Variants in MYH7B observed in about 807,000 individuals in gnomAD.
MYH7B encodes the protein myosin heavy chain 7B.
MYH7B carries 205 observed loss-of-function variants against 234.5 expected under a neutral mutation model. The ratio of observed to expected loss-of-function variants is 0.87; its 90% CI spans 0.78 to 0.98. The LOEUF (loss-of-function observed/expected upper bound fraction) is 0.98. Ranked by LOEUF, MYH7B falls within the 50% of genes least tolerant of loss-of-function variation. MYH7B has a pLI of 0.00. For missense variants in MYH7B, 2,652 were observed against 2,633.4 expected, an observed-to-expected ratio of 1.01 and a Z score of -0.15; for synonymous variants, 1,193 against 1,105.0, an observed-to-expected ratio of 1.08 and a Z score of -1.58.
intron 2 of MYH7B, among the ~76,000 whole-genome samples, chr20:34,965,613 C>T (rs923049645): frequency 3.9e-5 from 6 of 152,184 alleles, no homozygotes; most frequent in Non-Finnish European, 7.3e-5. Flanking sequence ...CAGACTTACC[C>T]ATAAGTGTAA....
At chr20:34,997,733 G>A in intron 32 of MYH7B, 93 bp downstream of exon 32, 2 of 1,480,486 alleles carry the variant, frequency 1.4e-6, no homozygotes, top group African/African-American at 1.4e-5. Flanking sequence ...CCTCCACCCA[G>A]TACCTTATCC....
chr20:34,958,418 C>G (rs540064682), intron 2 of MYH7B, among the ~76,000 whole-genome samples: 1 of 152,298 alleles, frequency 6.6e-6, no homozygotes, highest in Admixed American at 6.5e-5. Context: ...TTTGGTCATT[C>G]AGATGTTTCA....
At chr20:34,988,956 T>C (rs1278286055) in intron 19 of MYH7B, among the ~76,000 whole-genome samples, 7 of 152,094 alleles carry the variant, frequency 4.6e-5, no homozygotes, top group Non-Finnish European at 1.0e-4. Flanking sequence ...ATTACAGGCA[T>C]GCGCCACCAC....
intron 24 of MYH7B, among the ~76,000 whole-genome samples, chr20:34,992,528 TAATG>T (rs903882759): frequency 1.4e-4 from 21 of 150,914 alleles, no homozygotes; most frequent in Non-Finnish European, 1.5e-4. Context: ...TTTAAAAACT[TAATG>T]AATGCATTTA....
At chr20:34,972,806 A>T (rs543816296) in intron 2 of MYH7B, among the ~76,000 whole-genome samples, 4 of 152,094 alleles carry the variant, frequency 2.6e-5, no homozygotes, top group Non-Finnish European at 4.4e-5. Context: ...CAATTTTTAA[A>T]TTTTTTGTCG....
At chr20:34,980,423 C>A in intron 7 of MYH7B, 155 bp from the exon 8 acceptor site, 1 of 678,026 alleles carries the variant, frequency 1.5e-6, no homozygotes, top group African/African-American at 1.8e-5. Flanking sequence ...GTGGCACGCG[C>A]TTGTAGTCCT....
In MYH7B at chr20:34,986,115, C is replaced by T. The variant is rs769023082; in HGVS notation, c.821C>T (p.Ser274Leu). The change falls in exon 14 of 45, where the codon TCG becomes TTG. Residue 274 changes from serine (S) to leucine (L), a missense_variant. Ser to Leu is a moderately radical substitution (Grantham distance 145). This residue lies in a region of MYH7B where 366 missense variants were observed against 401.2 expected (regional missense o/e 0.91). Coordinates refer to ENST00000262873, the Ensembl canonical transcript of MYH7B. ...TTCTCCCCAGATCTCCTGGAGAAGT[C>T]GCGGGTGATCTTCCAGTTGCCTGGT... 4 of 1,586,748 alleles carry T rather than the reference C, an allele frequency of 2.5e-6. No individual in the cohort carries two copies. Among genetic ancestry groups the T allele is most frequent in the Admixed American group, 3.5e-5 (2 of 56,488 alleles).
Position 34,998,313 on chromosome 20 carries a change from T to TGCC in MYH7B, c.3768_3770dup (p.Arg1257dup), listed in dbSNP as rs2147235728. On this transcript the variant is annotated inframe_insertion, in exon 33 of 45. Coordinates refer to ENST00000262873, the Ensembl canonical transcript of MYH7B. ...ATCCTAGGCCAGTGCAGAGAAGCTG[T>TGCC]GCCGGACCTATGAGGATCAGCTAAG... is the stretch of plus-strand genomic sequence containing the variant. The TGCC allele has an allele frequency of 1.9e-6, 3 of 1,613,966 alleles. No individual in the cohort carries two copies. The South Asian group carries it at 3.3e-5, about 18-fold the overall frequency.
rs2081880293 is a variant in MYH7B, at chr20:34,977,832, A to C, written c.-72-102A>C. 4 of 1,532,806 alleles carry C rather than the reference A, an allele frequency of 2.6e-6. No homozygotes were observed. The South Asian group carries it at 4.6e-5, about 17-fold the overall frequency. 95.0% of individuals were successfully genotyped at this position (1,532,806 alleles called of 1,614,324 possible). On this transcript the variant is annotated intron_variant, in intron 4 of 44. Coordinates refer to ENST00000262873, the Ensembl canonical transcript of MYH7B. ...GTGCATGTATGCTGGGCACTCACCC[A>C]AGGAGGCTGCATTGGGAGCCAGAGG...
At chr20:34,991,708 CT>C (rs1202779056) in intron 24 of MYH7B, among the ~76,000 whole-genome samples, 1 of 152,170 alleles carries the variant, frequency 6.6e-6, no homozygotes, top group East Asian at 1.9e-4. Flanking sequence ...CTGCCAGCTC[CT>C]CCCCGTTCCC....
At chr20:34,986,041 T>G (rs992910783) in intron 13 of MYH7B, 59 bp from the exon 14 acceptor site, 33 of 1,439,202 alleles carry the variant, frequency 2.3e-5, no homozygotes, top group Non-Finnish European at 2.9e-5. Context: ...CATCGCCCCC[T>G]TGGGATGTCC....
intron 32 of MYH7B, 78 bp from the exon 33 acceptor site, chr20:34,998,217 C>G (rs1231903099): frequency 6.5e-7 from 1 of 1,545,886 alleles, no homozygotes; most frequent in East Asian, 2.3e-5. Context: ...AGTCTCTGAT[C>G]CCAGATCCTG....
chr20:34,988,218 G>A lies in MYH7B; in HGVS notation c.1543G>A (p.Asp515Asn), dbSNP rs200451318. 349 of 1,614,112 alleles carry A rather than the reference G, an allele frequency of 2.2e-4. 1 individual carries two copies. The highest frequency in any genetic ancestry group is 1.2e-3 in the South Asian group (105 of 91,080). ...GGAGGGCATCGACTGGGTCTTCATC[G>A]ACTTCGGCCTTGACCTGCAGCCTTG... The change falls in exon 19 of 45, where the codon GAC becomes AAC. Residue 515 changes from aspartate to asparagine, a missense_variant. Physicochemically the swap from Asp to Asn is conservative, Grantham distance 23. Coordinates refer to ENST00000262873, the Ensembl canonical transcript of MYH7B.
At chr20:34,979,629 T>TCCCCCGGC in intron 6 of MYH7B, 32 bp from the exon 7 acceptor site, 1 of 1,613,210 alleles carries the variant, frequency 6.2e-7, no homozygotes. Context: ...TTCCTCCCGG[T>TCCCCCGGC]CCCCCGGCCC....
intron 19 of MYH7B, among the ~76,000 whole-genome samples, chr20:34,988,791 C>T (rs1274026746): frequency 1.3e-5 from 2 of 150,058 alleles, no homozygotes; most frequent in South Asian, 2.1e-4. Flanking sequence ...TTCATTTCCT[C>T]GAAATCCTTT....
rs1280114076 is a variant in MYH7B at position 34,956,911 on chromosome 20, C to T, written c.-337+904C>T. On this transcript the variant is annotated intron_variant, in intron 1 of 44. Coordinates refer to ENST00000262873, the Ensembl canonical transcript of MYH7B. ...CTCTACTAGAAATACAAGAATTAGC[C>T]GGGTGTGTTGGCCCGTGCCTGTAAT... Among the ~76,000 whole-genome samples, 7 of 152,078 alleles carry T rather than the reference C, an allele frequency of 4.6e-5. No individual in the cohort carries two copies. The East Asian group carries it at 1.4e-3, about 29-fold the overall frequency.
intron 33 of MYH7B, 40 bp from the exon 34 acceptor site, chr20:34,998,471 C>T (rs2082304844): frequency 6.2e-7 from 1 of 1,612,754 alleles, no homozygotes; most frequent in Non-Finnish European, 8.5e-7. Flanking sequence ...TGGTGCAGCC[C>T]TCACCAGCCT....
chr20:34,991,184 C>T (rs1404856050), intron 24 of MYH7B, 63 bp downstream of exon 24: 4 of 1,201,320 alleles, frequency 3.3e-6, no homozygotes, highest in Non-Finnish European at 3.6e-6. Flanking sequence ...GGGCAGGACA[C>T]ACATATCAGA....
At chr20:35,000,050 C>G in intron 38 of MYH7B, 144 bp downstream of exon 38, 1 of 937,810 alleles carries the variant, frequency 1.1e-6, no homozygotes, top group Non-Finnish European at 1.6e-6. Context: ...CTCGGAGATG[C>G]TAAAGGACTT....
Sources: allele counts gnomAD v4.1 joint callset (sites outside exome capture counted in the v4.1 genomes callset), GRCh38; gene constraint gnomAD v4.1.1; regional missense constraint gnomAD v4.1.1; transcripts MANE v1.5; gene names NCBI Gene and HGNC (gene_info 2026-07-23, HGNC 2026-07-21).